USP30: variants seen among roughly 807,000 people sequenced by gnomAD.
USP30 encodes ubiquitin specific peptidase 30, also known as ubiquitin carboxyl-terminal hydrolase 30.
Under a neutral mutation model 68.2 loss-of-function variants are expected in USP30, and 41 were observed. That is an observed-to-expected ratio of 0.60 (90% CI 0.47 to 0.78). The LOEUF (loss-of-function observed/expected upper bound fraction) is 0.78, where lower values mean the gene tolerates loss of function less well. USP30 is among the 30% of genes least tolerant of loss of function. The pLI is 0.00. For missense variants in USP30, 522 were observed against 649.4 expected (o/e 0.80, Z 2.13); for synonymous variants, 229 against 253.7 (o/e 0.90, Z 0.93).
At chr12:109,030,271 A>T (rs992585621) in intron 3 of USP30, among the ~76,000 whole-genome samples, 2 of 152,194 alleles carry the variant, frequency 1.3e-5, no homozygotes, top group African/African-American at 4.8e-5. Flanking sequence ...CAGTTGCATC[A>T]TCTGTAAAAT....
At chr12:109,067,415 C>A in intron 3 of USP30, 109 bp from the exon 4 acceptor site, 2 of 964,248 alleles carry the variant, frequency 2.1e-6, no homozygotes, top group Non-Finnish European at 3.1e-6. Flanking sequence ...CCACACCCAG[C>A]CTGCGGTCTT....
rs763485437 is a variant in USP30 at position 109,085,682 on chromosome 12, C to T, written c.1305C>T (p.Leu435=). The T allele has an allele frequency of 6.2e-7, 1 of 1,614,224 alleles. No individual in the cohort carries two copies. Among genetic ancestry groups the T allele is most frequent in the Non-Finnish European group, 8.5e-7 (1 of 1,180,038 alleles). The change falls in exon 13 of 13, where the codon CTC becomes CTT. Residue 435 remains leucine (L), a synonymous_variant. Coordinates refer to ENST00000257548, the MANE Select transcript of USP30 (RefSeq NM_032663.5). ...TATCATTCAGCTCCTCCACATACCT[C>T]TTCCGGCTGATGGCAGTTGTCGTCC... ...VVPDYSSSTY[L]FRLMAVVVHH...
chr12:109,085,555 A>G, intron 12 of USP30, 112 bp from the exon 13 acceptor site: 1 of 1,315,124 alleles, frequency 7.6e-7, no homozygotes, highest in Non-Finnish European at 1.1e-6. Flanking sequence ...ATTTGGTGGT[A>G]TGGACTTACC....
chr12:109,081,271 G>A, intron 7 of USP30, 63 bp from the exon 8 acceptor site: 3 of 1,494,378 alleles, frequency 2.0e-6, no homozygotes, highest in Non-Finnish European at 2.8e-6. Context: ...CACATATCTT[G>A]CATCTTTAAA....
At chr12:109,058,861 T>C (rs919466306) in intron 3 of USP30, among the ~76,000 whole-genome samples, 1 of 152,204 alleles carries the variant, frequency 6.6e-6, no homozygotes, top group Non-Finnish European at 1.5e-5. Context: ...TCAGCAAAGA[T>C]TAAAAAACAA....
chr12:109,058,375 C>G (rs1031487704), intron 3 of USP30, among the ~76,000 whole-genome samples: 18 of 152,052 alleles, frequency 1.2e-4, no homozygotes, highest in African/African-American at 4.3e-4. Flanking sequence ...TCGAAACCAG[C>G]CTGACCAACA....
chr12:109,053,001 T>C, intron 1 of USP30: 1 of 393,632 alleles, frequency 2.5e-6, no homozygotes, highest in Non-Finnish European at 4.5e-6. Context: ...CTCCCCCTCC[T>C]GTCATTGTTC....
intron 1 of USP30, among the ~76,000 whole-genome samples, chr12:109,055,090 A>G (rs1261672216): frequency 6.6e-6 from 1 of 152,070 alleles, no homozygotes; most frequent in Non-Finnish European, 1.5e-5. Flanking sequence ...AGCTATATAC[A>G]CATAGATGGT....
intron 5 of USP30, 132 bp downstream of exon 5, chr12:109,071,842 G>A: frequency 1.2e-6 from 1 of 816,464 alleles, no homozygotes. Context: ...AATGAGGCCA[G>A]GGGAGGGTCT....
rs2041932627 is a variant in USP30, at chr12:109,085,854, A to C, written c.1477A>C (p.Ser493Arg). ...CAGCCTGCAGGAGGTCCTGTCCTCC[A>C]GCGCCTACCTGCTGTTCTACGAGCG... is the stretch of plus-strand genomic sequence containing the variant. Reference protein sequence around the residue: ...KASLQEVLSSSAYLLFYERVL... With the variant: ...KASLQEVLSSRAYLLFYERVL... Residue 493 changes from serine (S) to arginine (R), a missense_variant, in exon 13 of 13, where the codon AGC becomes CGC. Coordinates refer to ENST00000257548, the MANE Select transcript of USP30 (RefSeq NM_032663.5). The C allele has an allele frequency of 6.2e-7, 1 of 1,614,234 alleles. No individual in the cohort carries two copies. Among genetic ancestry groups the C allele is most frequent in the Non-Finnish European group, 8.5e-7 (1 of 1,180,050 alleles).
chr12:109,034,392 G>C (rs1354226984), intron 3 of USP30, among the ~76,000 whole-genome samples: 1 of 151,934 alleles, frequency 6.6e-6, no homozygotes, highest in African/African-American at 2.4e-5. Flanking sequence ...CTAATATATG[G>C]TCTATCTTGA....
At chr12:109,077,137 T>C (rs10774928) in intron 7 of USP30, among the ~76,000 whole-genome samples, 77,528 of 152,044 alleles carry the variant, frequency 0.51, 21,930 homozygotes, top group East Asian at 0.82. Context: ...TGCTAATATT[T>C]CCTAAAGGAT....
intron 1 of USP30, chr12:109,053,786 G>A (rs2040751802): frequency 7.5e-6 from 2 of 266,572 alleles, no homozygotes; most frequent in Non-Finnish European, 1.5e-5. Flanking sequence ...TTCCAAAGTC[G>A]CCACTTGTCC....
intron 2 of USP30, among the ~76,000 whole-genome samples, chr12:109,026,813 C>G (rs79777919): frequency 0.019 from 2,830 of 152,250 alleles, 44 homozygotes; most frequent in Non-Finnish European, 0.029. Context: ...AGTTCAAGAT[C>G]AAAGTGCCAG....
At chr12:109,035,401 A>C (rs900544015) in intron 3 of USP30, among the ~76,000 whole-genome samples, 1 of 151,832 alleles carries the variant, frequency 6.6e-6, no homozygotes, top group African/African-American at 2.4e-5. Flanking sequence ...GTCTCACTCT[A>C]TTGCCAGGCT....
intron 3 of USP30, among the ~76,000 whole-genome samples, chr12:109,037,975 C>G (rs868022776): frequency 1.5e-4 from 23 of 152,038 alleles, no homozygotes; most frequent in Middle Eastern, 3.2e-3. Flanking sequence ...TTTTCAAAGC[C>G]CCTGAATATC....
At chr12:109,062,967 G>A (rs904805094) in intron 3 of USP30, among the ~76,000 whole-genome samples, 2 of 152,074 alleles carry the variant, frequency 1.3e-5, no homozygotes, top group African/African-American at 4.8e-5. Flanking sequence ...ATATTTATAA[G>A]ATGTACCTCA....
intron 3 of USP30, among the ~76,000 whole-genome samples, chr12:109,037,772 G>A (rs569834890): frequency 3.3e-5 from 5 of 152,226 alleles, no homozygotes; most frequent in East Asian, 1.9e-4. Flanking sequence ...AAGGAGTGCC[G>A]TGTGTGTTGG....
upstream of USP30, among the ~76,000 whole-genome samples, chr12:109,051,300 AG>A (rs2040668439): frequency 8.3e-6 from 1 of 120,334 alleles, no homozygotes; most frequent in South Asian, 2.8e-4. Flanking sequence ...TCTGTTGCCC[AG>A]GCTGGAGTGC....
Sources: gnomAD v4.1 joint callset for allele counts (sites outside exome capture counted in the v4.1 genomes callset) on GRCh38, gnomAD v4.1.1 for gene constraint, MANE v1.5 for transcripts, NCBI Gene and HGNC (gene_info 2026-07-23, HGNC 2026-07-21) for gene names.